FAM168A: variants seen among roughly 807,000 people sequenced by gnomAD.
FAM168A encodes family with sequence similarity 168 member A, also known as protein FAM168A.
A neutral mutation model predicts 28.5 loss-of-function variants in FAM168A; 3 were observed. The ratio of observed to expected loss-of-function variants is 0.11; its 90% CI spans 0.05 to 0.27. The LOEUF is 0.27. FAM168A is among the 10% of genes least tolerant of loss of function. FAM168A has a pLI of 1.00. For synonymous variants in FAM168A, 122 were observed against 124.2 expected (o/e 0.98, Z 0.12); for missense variants, 222 against 311.5 (o/e 0.71, Z 2.16).
chr11:73,585,738 C>T (rs1565309235), intron 1 of FAM168A, among the ~76,000 whole-genome samples: 1 of 151,934 alleles, frequency 6.6e-6, no homozygotes, highest in Non-Finnish European at 1.5e-5. Flanking sequence ...CATGGTGGCA[C>T]GCGCCCGTAA....
chr11:73,557,546 T>C (rs1943905001), intron 1 of FAM168A, among the ~76,000 whole-genome samples: 1 of 152,182 alleles, frequency 6.6e-6, no homozygotes, highest in Non-Finnish European at 1.5e-5. Flanking sequence ...AAGTTATTAA[T>C]TTAAAAATCC....
At chr11:73,529,796 C>CTTTTTTTTT (rs772530179) in intron 1 of FAM168A, among the ~76,000 whole-genome samples, 2,951 of 127,176 alleles carry the variant, frequency 0.023, 230 homozygotes, top group African/African-American at 0.095. Flanking sequence ...ACTTTTTCTT[C>CTTTTTTTTT]TTTTTTTTTT....
At chr11:73,419,649 C>T (rs1866757851) in intron 4 of FAM168A, among the ~76,000 whole-genome samples, 1 of 152,156 alleles carries the variant, frequency 6.6e-6, no homozygotes, top group South Asian at 2.1e-4. Flanking sequence ...TGAGTATTTC[C>T]TTCTCCTTCC....
At chr11:73,476,228 C>T (rs1216585228) in intron 1 of FAM168A, among the ~76,000 whole-genome samples, 2 of 152,260 alleles carry the variant, frequency 1.3e-5, no homozygotes, top group South Asian at 2.1e-4. Flanking sequence ...TGGAAGCCTT[C>T]CTGGCCTGCG....
rs58142151 is a variant in FAM168A at position 73,457,723 on chromosome 11, C to CAAAAAAAAAAAAAAAAAAAAAAAAAAAA, written c.70+10681_70+10682insTTTTTTTTTTTTTTTTTTTTTTTTTTTT. 2.5e-3 allele frequency among the ~76,000 whole-genome samples: 94 copies of CAAAAAAAAAAAAAAAAAAAAAAAAAAAA among 37,522 alleles called. 1 individual carries two copies. Among genetic ancestry groups the CAAAAAAAAAAAAAAAAAAAAAAAAAAAA allele is most frequent in the Non-Finnish European group, 5.6e-3 (72 of 12,858 alleles). The allele number at this position is 37,522 out of a possible 152,430, so 24.6% of individuals were successfully genotyped here. On this transcript the variant is annotated intron_variant, in intron 2 of 7. Transcript: ENST00000356467. ...TGCTACGGTACTCTAGCCTGGGTGA[C>CAAAAAAAAAAAAAAAAAAAAAAAAAAAA]AAAAAAAAAAAAAAAAAAAAAAAAA...
chr11:73,590,250 T>A (rs1944365472), intron 1 of FAM168A, among the ~76,000 whole-genome samples: 2 of 151,916 alleles, frequency 1.3e-5, no homozygotes, highest in Non-Finnish European at 2.9e-5. Context: ...AAAAAAATTT[T>A]AAAATAACCA....
intron 1 of FAM168A, among the ~76,000 whole-genome samples, chr11:73,542,893 C>T (rs780840841): frequency 7.9e-5 from 12 of 152,136 alleles, no homozygotes; most frequent in Non-Finnish European, 1.5e-5. Flanking sequence ...AGCTGAACAA[C>T]GGGAAAATTC....
chr11:73,593,440 A>G (rs1944405313), intron 1 of FAM168A, among the ~76,000 whole-genome samples: 1 of 152,232 alleles, frequency 6.6e-6, no homozygotes, highest in Non-Finnish European at 1.5e-5. Context: ...TGTAACCTTA[A>G]ACAAGTCATT....
intron 1 of FAM168A, among the ~76,000 whole-genome samples, chr11:73,497,759 G>T (rs1316194841): frequency 6.6e-6 from 1 of 152,052 alleles, no homozygotes; most frequent in African/African-American, 2.4e-5. Context: ...TCGTTGGGTG[G>T]GGGGATGGGG....
At chr11:73,561,028 C>T (rs1217458939) in intron 1 of FAM168A, among the ~76,000 whole-genome samples, 2 of 148,104 alleles carry the variant, frequency 1.4e-5, no homozygotes, top group African/African-American at 5.1e-5. Flanking sequence ...CGCCACTGCA[C>T]TCCAGCCTGG....
At chr11:73,419,779 T>A (rs762733098) in intron 4 of FAM168A, 95 bp downstream of exon 4, 3 of 1,484,540 alleles carry the variant, frequency 2.0e-6, no homozygotes, top group Non-Finnish European at 2.7e-6. Context: ...ATTTATCTCA[T>A]AAATGTCATT....
intron 1 of FAM168A, among the ~76,000 whole-genome samples, chr11:73,489,580 G>A (rs566228995): frequency 4.7e-5 from 7 of 147,370 alleles, no homozygotes; most frequent in East Asian, 4.0e-4. Context: ...GCACAACCAC[G>A]GCTCACTGTA....
chr11:73,496,547 G>T (rs1854879748), intron 1 of FAM168A, among the ~76,000 whole-genome samples: 1 of 152,052 alleles, frequency 6.6e-6, no homozygotes, highest in South Asian at 2.1e-4. Context: ...GTTATTTTTT[G>T]TTTGTTTGTT....
chr11:73,421,131 T>A (rs1010631374), intron 3 of FAM168A, among the ~76,000 whole-genome samples: 2 of 151,976 alleles, frequency 1.3e-5, no homozygotes, highest in Non-Finnish European at 2.9e-5. Context: ...TGGGGCTGCA[T>A]TGGCAATACT....
At chr11:73,460,499 C>CTTTTTTT (rs547956382) in intron 2 of FAM168A, among the ~76,000 whole-genome samples, 2 of 112,832 alleles carry the variant, frequency 1.8e-5, no homozygotes, top group East Asian at 2.4e-4. Flanking sequence ...GCTACTAATG[C>CTTTTTTT]TTTTTTTTTT....
At chr11:73,459,924 A>G (rs541985791) in intron 2 of FAM168A, among the ~76,000 whole-genome samples, 1 of 123,288 alleles carries the variant, frequency 8.1e-6, no homozygotes, top group South Asian at 2.5e-4. Flanking sequence ...TCTGTTGCCC[A>G]GGCTGGAGTG....
intron 2 of FAM168A, among the ~76,000 whole-genome samples, chr11:73,464,930 T>C (rs1194037551): frequency 1.3e-5 from 2 of 151,770 alleles, no homozygotes; most frequent in Non-Finnish European, 2.9e-5. Context: ...TCTGATGTCA[T>C]ATAGCTCTTA....
intron 1 of FAM168A, among the ~76,000 whole-genome samples, chr11:73,590,845 G>T (rs886344511): frequency 6.6e-6 from 1 of 152,004 alleles, no homozygotes; most frequent in Non-Finnish European, 1.5e-5. Context: ...GTCTAAATAG[G>T]TTGAAGACTA....
chr11:73,523,267 C>T (rs1015950313), intron 1 of FAM168A, among the ~76,000 whole-genome samples: 2 of 152,060 alleles, frequency 1.3e-5, no homozygotes, highest in African/African-American at 2.4e-5. Context: ...ATGGTAATAA[C>T]GCTTTACTTC....
Sources: allele counts gnomAD v4.1 joint callset (sites outside exome capture counted in the v4.1 genomes callset), GRCh38; gene constraint gnomAD v4.1.1; transcripts MANE v1.5; gene names NCBI Gene and HGNC (gene_info 2026-07-23, HGNC 2026-07-21).